SPSB1: variants seen among roughly 807,000 people sequenced by gnomAD.
SPSB1 encodes the protein splA/ryanodine receptor domain and SOCS box containing 1.
SPSB1 carries 8 observed loss-of-function variants against 21.2 expected under a neutral mutation model. That is an observed-to-expected ratio of 0.38 (90% confidence interval 0.22 to 0.68). SPSB1 has a LOEUF of 0.68. Ranked by LOEUF, SPSB1 falls within the 30% of genes least tolerant of loss-of-function variation. The pLI is 0.53. For synonymous variants in SPSB1, 169 were observed against 161.7 expected (o/e 1.05, Z -0.34); for missense variants, 242 against 377.8 (o/e 0.64, Z 2.98).
chr1:9,340,959 G>A (rs2100501353), intron 1 of SPSB1, among the ~76,000 whole-genome samples: 1 of 152,314 alleles, frequency 6.6e-6, no homozygotes, highest in East Asian at 1.9e-4. Flanking sequence ...CCAGTCCTGG[G>A]CTTCAATTTC....
intron 2 of SPSB1, among the ~76,000 whole-genome samples, chr1:9,359,327 C>T (rs527241237): frequency 6.6e-5 from 10 of 152,260 alleles, no homozygotes; most frequent in African/African-American, 2.4e-4. Context: ...TAGGGTGAGG[C>T]GCGGGTGTTA....
intron 1 of SPSB1, among the ~76,000 whole-genome samples, chr1:9,335,129 A>G (rs1284719443): frequency 6.6e-6 from 1 of 152,022 alleles, no homozygotes; most frequent in East Asian, 1.9e-4. Context: ...ATTGTTTTCT[A>G]CAGGGCCTGT....
chr1:9,359,741 A>G (rs993249838), intron 2 of SPSB1, among the ~76,000 whole-genome samples: 2 of 147,672 alleles, frequency 1.4e-5, no homozygotes, highest in Non-Finnish European at 3.0e-5. Flanking sequence ...TGGCTGCTCT[A>G]TAGAAATGGA....
At chr1:9,330,279 G>A (rs1403041129) in intron 1 of SPSB1, among the ~76,000 whole-genome samples, 1 of 152,058 alleles carries the variant, frequency 6.6e-6, no homozygotes, top group Non-Finnish European at 1.5e-5. Context: ...ACCAGCCTGG[G>A]CAACACGGTG....
At chr1:9,306,220 G>T (rs1440247466) in intron 1 of SPSB1, among the ~76,000 whole-genome samples, 2 of 152,206 alleles carry the variant, frequency 1.3e-5, no homozygotes, top group Non-Finnish European at 2.9e-5. Flanking sequence ...CATCCTTTCG[G>T]GTGTGCCGAG....
intron 2 of SPSB1, among the ~76,000 whole-genome samples, chr1:9,365,674 TC>T (rs956923720): frequency 3.6e-4 from 55 of 152,324 alleles, no homozygotes; most frequent in African/African-American, 1.3e-3. Flanking sequence ...TAGTGTTTGG[TC>T]TTCAGTAATT....
chr1:9,303,594 A>G (rs1473712865), intron 1 of SPSB1, among the ~76,000 whole-genome samples: 1 of 152,192 alleles, frequency 6.6e-6, no homozygotes, highest in Non-Finnish European at 1.5e-5. Context: ...ATTTTACATC[A>G]TAGTATTTAA....
chr1:9,319,826 G>A (rs1017074052), intron 1 of SPSB1, among the ~76,000 whole-genome samples: 1 of 152,060 alleles, frequency 6.6e-6, no homozygotes, highest in African/African-American at 2.4e-5. Flanking sequence ...ATCCACACCC[G>A]CTGTTTCTGT....
At chr1:9,302,534 G>A (rs567536881) in intron 1 of SPSB1, among the ~76,000 whole-genome samples, 4 of 152,266 alleles carry the variant, frequency 2.6e-5, no homozygotes, top group East Asian at 1.9e-4. Flanking sequence ...TCTCTGTCCC[G>A]GAGCTGGGAT....
chr1:9,302,606 C>T (rs758759350), intron 1 of SPSB1, among the ~76,000 whole-genome samples: 9 of 152,152 alleles, frequency 5.9e-5, no homozygotes, highest in Admixed American at 4.6e-4. Context: ...CTCTGGGACT[C>T]GTACGAGTGG....
At chr1:9,307,783 T>C (rs1639444276) in intron 1 of SPSB1, among the ~76,000 whole-genome samples, 1 of 152,228 alleles carries the variant, frequency 6.6e-6, no homozygotes, top group East Asian at 1.9e-4. Context: ...AAATGACACC[T>C]GTTGTCAGCT....
intron 1 of SPSB1, among the ~76,000 whole-genome samples, chr1:9,322,519 A>G (rs1159809813): frequency 1.3e-5 from 2 of 152,048 alleles, no homozygotes. Flanking sequence ...CCCTAATCTG[A>G]TGGTTAATTG....
chr1:9,327,359 T>C (rs571833144), intron 1 of SPSB1, among the ~76,000 whole-genome samples: 1 of 152,316 alleles, frequency 6.6e-6, no homozygotes, highest in African/African-American at 2.4e-5. Flanking sequence ...GGCAGATACA[T>C]GCTTAAAAGT....
chr1:9,327,847 T>G (rs981977443), intron 1 of SPSB1, among the ~76,000 whole-genome samples: 2 of 152,228 alleles, frequency 1.3e-5, no homozygotes, highest in Non-Finnish European at 2.9e-5. Flanking sequence ...CAATCAAGCT[T>G]CACTTCCAGA....
At chr1:9,334,166 A>G (rs984265773) in intron 1 of SPSB1, among the ~76,000 whole-genome samples, 1 of 151,896 alleles carries the variant, frequency 6.6e-6, no homozygotes, top group Non-Finnish European at 1.5e-5. Flanking sequence ...GCTCGTTGCA[A>G]CTTCCGCCTC....
chr1:9,340,404 G>A (rs530403006), intron 1 of SPSB1, among the ~76,000 whole-genome samples: 30 of 151,660 alleles, frequency 2.0e-4, no homozygotes, highest in African/African-American at 6.8e-4. Flanking sequence ...ATTCACTGTA[G>A]TGCATGTCAA....
intron 1 of SPSB1, among the ~76,000 whole-genome samples, chr1:9,341,990 C>CCACG (rs1018403810): frequency 2.1e-4 from 32 of 152,354 alleles, no homozygotes; most frequent in African/African-American, 7.7e-4. Context: ...GCGTGAGCCA[C>CCACG]CACGCCCAGC....
intron 1 of SPSB1, among the ~76,000 whole-genome samples, chr1:9,350,640 G>A (rs1469228905): frequency 2.6e-5 from 4 of 152,186 alleles, no homozygotes; most frequent in Non-Finnish European, 5.9e-5. Context: ...GGTGGCAGCA[G>A]CAGGGCCACA....
rs545991315 is a variant in SPSB1 at position 9,356,782 on chromosome 1, G to A, written c.694+197G>A. Among the ~76,000 whole-genome samples the A allele has an allele frequency of 6.6e-6, 1 of 152,338 alleles. No homozygotes were observed. Among genetic ancestry groups the A allele is most frequent in the East Asian group, 1.9e-4 (1 of 5,190 alleles). On this transcript the variant is annotated intron_variant, in intron 2 of 2. Transcript: ENST00000328089. The surrounding 1 kb of genome is among the most constrained non-coding windows in gnomAD (Gnocchi z 7.4). ...CCAGAGTCAGCTAGATTACCTAACG[G>A]TGCCTCATGAATGAATGGACAGATG...
Sources: gnomAD v4.1 joint callset for allele counts (sites outside exome capture counted in the v4.1 genomes callset) on GRCh38, gnomAD v4.1.1 for gene constraint, Gnocchi (gnomAD v3.1) non-coding constraint, MANE v1.5 for transcripts, NCBI Gene and HGNC (gene_info 2026-07-23, HGNC 2026-07-21) for gene names.